Variants in PACS1 observed in about 807,000 individuals in gnomAD.
The protein encoded by PACS1 is PACS-1.
Under a neutral mutation model 115.0 loss-of-function variants are expected in PACS1, and 24 were observed. The ratio of observed to expected loss-of-function variants is 0.21; its 90% CI spans 0.15 to 0.29. PACS1 has a LOEUF of 0.29. PACS1 is among the 10% of genes least tolerant of loss of function. The pLI is 1.00. For missense variants in PACS1, 838 were observed against 1,251.2 expected (o/e 0.67, Z 4.98); for synonymous variants, 453 against 504.5 (o/e 0.90, Z 1.37).
At chr11:66,138,795 G>A (rs1858908365) in intron 1 of PACS1, among the ~76,000 whole-genome samples, 1 of 151,742 alleles carries the variant, frequency 6.6e-6, no homozygotes, top group South Asian at 2.1e-4. Context: ...TGATTCTCCT[G>A]CCTCAGCCTC....
intron 11 of PACS1, among the ~76,000 whole-genome samples, chr11:66,229,704 GTAAAT>G (rs911171695): frequency 2.0e-5 from 3 of 151,786 alleles, no homozygotes; most frequent in African/African-American, 7.3e-5. Flanking sequence ...AATAAAATAA[GTAAAT>G]AAAATAAATA....
chr11:66,157,355 A>C lies in PACS1; in HGVS notation c.357-36131A>C, dbSNP rs185973870. On this transcript the variant is annotated intron_variant, in intron 1 of 23. Coordinates refer to ENST00000320580, the MANE Select transcript of PACS1 (RefSeq NM_018026.4). ...ATATATGATGAGTCATTTAGGTTTC[A>C]ACTTCATCTGCTCCACTAAGTATTT... is the stretch of plus-strand genomic sequence containing the variant. Among the ~76,000 whole-genome samples the C allele has an allele frequency of 2.0e-5, 3 of 152,356 alleles. No homozygotes were observed. In the East Asian group the frequency reaches 5.8e-4, roughly 29 times the overall value.
chr11:66,194,134 T>A (rs2134674953), intron 2 of PACS1, among the ~76,000 whole-genome samples: 1 of 152,258 alleles, frequency 6.6e-6, no homozygotes, highest in South Asian at 2.1e-4. Context: ...CGGCTAATTT[T>A]TTTGTATTTT....
At chr11:66,131,708 G>T (rs1858708569) in intron 1 of PACS1, among the ~76,000 whole-genome samples, 1 of 151,860 alleles carries the variant, frequency 6.6e-6, no homozygotes, top group Non-Finnish European at 1.5e-5. Context: ...TGGAAGGATT[G>T]CTTGAAGCCA....
At chr11:66,175,391 A>G (rs1313989312) in intron 1 of PACS1, among the ~76,000 whole-genome samples, 9 of 152,096 alleles carry the variant, frequency 5.9e-5, no homozygotes, top group Non-Finnish European at 1.3e-4. Context: ...TGGGCTTTCT[A>G]AAATGTGACA....
chr11:66,113,716 G>A (rs1240369744), intron 1 of PACS1, among the ~76,000 whole-genome samples: 1 of 152,184 alleles, frequency 6.6e-6, no homozygotes. Flanking sequence ...ACTGAAAGCT[G>A]TATAGAGATT....
At chr11:66,130,911 A>T (rs989759713) in intron 1 of PACS1, among the ~76,000 whole-genome samples, 1 of 151,940 alleles carries the variant, frequency 6.6e-6, no homozygotes, top group African/African-American at 2.4e-5. Context: ...TCTCTGCCAG[A>T]AATTAAAAAC....
At chr11:66,106,840 A>G (rs1432694213) in intron 1 of PACS1, among the ~76,000 whole-genome samples, 3 of 151,924 alleles carry the variant, frequency 2.0e-5, no homozygotes, top group Admixed American at 1.3e-4. Context: ...ACCTTTCCGA[A>G]GGTTGTGTGG....
intron 2 of PACS1, among the ~76,000 whole-genome samples, chr11:66,198,869 A>G (rs1399117484): frequency 6.6e-6 from 1 of 152,224 alleles, no homozygotes; most frequent in Admixed American, 6.5e-5. Context: ...GTAAACACAT[A>G]ATAGGTTTAT....
At chr11:66,157,662 G>C (rs1362662700) in intron 1 of PACS1, among the ~76,000 whole-genome samples, 2 of 152,050 alleles carry the variant, frequency 1.3e-5, no homozygotes, top group Non-Finnish European at 2.9e-5. Context: ...TATTCAGCCA[G>C]ATCTTTCCAC....
intron 1 of PACS1, among the ~76,000 whole-genome samples, chr11:66,163,350 C>CAA (rs1231541629): frequency 4.7e-4 from 27 of 57,866 alleles, no homozygotes; most frequent in South Asian, 1.9e-3. Context: ...GACCCTGTCT[C>CAA]AAAAAAAAAA....
chr11:66,162,951 G>A lies in PACS1; in HGVS notation c.357-30535G>A, dbSNP rs77891650. On this transcript the variant is annotated intron_variant, in intron 1 of 23. Coordinates refer to ENST00000320580, the MANE Select transcript of PACS1 (RefSeq NM_018026.4). ...TTGGAAAATTTGAAGACTGAATATG[G>A]TTATTAAATTTGCCATTGGAGAATA... is the stretch of plus-strand genomic sequence containing the variant. 3.8e-3 allele frequency among the ~76,000 whole-genome samples: 581 copies of A among 152,220 alleles called. 3 individuals carry two copies. The highest frequency in any genetic ancestry group is 0.013 in the African/African-American group (550 of 41,534).
chr11:66,192,577 AG>A (rs1854553163), intron 1 of PACS1, among the ~76,000 whole-genome samples: 1 of 152,248 alleles, frequency 6.6e-6, no homozygotes, highest in African/African-American at 2.4e-5. Context: ...CTCAGCACGG[AG>A]GAAAAAAGAG....
intron 1 of PACS1, among the ~76,000 whole-genome samples, chr11:66,162,496 C>T (rs1195259148): frequency 2.0e-5 from 3 of 152,160 alleles, no homozygotes; most frequent in Non-Finnish European, 2.9e-5. Flanking sequence ...AAGACAGAGG[C>T]CAAGGTTGGA....
At position 66,223,690 on chromosome 11, in the gene PACS1, T is replaced by C. The variant is rs77411139; in HGVS notation, c.1293+2443T>C. 7.1e-3 allele frequency among the ~76,000 whole-genome samples: 1,077 copies of C among 152,250 alleles called. 16 individuals are homozygous for C. Among genetic ancestry groups the C allele is most frequent in the African/African-American group, 0.024 (1,007 of 41,564 alleles). On this transcript the variant is annotated intron_variant, in intron 10 of 23. Transcript: ENST00000320580. ...GGACTCTTTCTTAGTGTTCTAGGAA[T>C]GTAGAGCAAGTGCCCTAATATAACA...
intron 1 of PACS1, among the ~76,000 whole-genome samples, chr11:66,180,482 G>A (rs1247778814): frequency 6.6e-6 from 1 of 151,956 alleles, no homozygotes; most frequent in Non-Finnish European, 1.5e-5. Context: ...AGCTTCCTGA[G>A]TAGCTGGGAT....
chr11:66,178,982 C>T (rs1437450920), intron 1 of PACS1, among the ~76,000 whole-genome samples: 1 of 152,148 alleles, frequency 6.6e-6, no homozygotes, highest in African/African-American at 2.4e-5. Context: ...GTCCATTCTC[C>T]CCCTTTGCTG....
intron 1 of PACS1, among the ~76,000 whole-genome samples, chr11:66,158,392 T>C (rs1443965176): frequency 6.6e-6 from 1 of 152,250 alleles, no homozygotes; most frequent in South Asian, 2.1e-4. Flanking sequence ...TAAGTGAAGA[T>C]TGCAGTAAAG....
chr11:66,100,045 TA>T (rs1239786899), intron 1 of PACS1, among the ~76,000 whole-genome samples: 2 of 151,904 alleles, frequency 1.3e-5, no homozygotes, highest in African/African-American at 4.8e-5. Flanking sequence ...CACACCCAGC[TA>T]ATTTTGTATT....
Sources: allele counts gnomAD v4.1 joint callset (sites outside exome capture counted in the v4.1 genomes callset), GRCh38; gene constraint gnomAD v4.1.1; transcripts MANE v1.5; gene names NCBI Gene and HGNC (gene_info 2026-07-23, HGNC 2026-07-21).